The following GPC6 variants were observed in gnomAD, a reference collection of about 807,000 sequenced individuals.
GPC6 encodes the protein glypican-6.
Under a neutral mutation model 55.2 loss-of-function variants are expected in GPC6, and 14 were observed. The observed-to-expected ratio is 0.25, with a 90% confidence interval of 0.17 to 0.40. The LOEUF is 0.40. Among genes scored for constraint, GPC6 ranks in the 10% least tolerant of loss-of-function variants. The probability of loss-of-function intolerance (pLI) is 1.00; values close to 1 mark genes in which losing one functional copy is unlikely to be tolerated. For synonymous variants in GPC6, 278 were observed against 259.6 expected (o/e 1.07, Z -0.68); for missense variants, 641 against 708.5 (o/e 0.90, Z 1.08).
At chr13:93,984,252 G>A (rs534588862) in intron 3 of GPC6, among the ~76,000 whole-genome samples, 2 of 152,102 alleles carry the variant, frequency 1.3e-5, no homozygotes, top group South Asian at 4.2e-4. Flanking sequence ...ATGAGGAGGT[G>A]GGTGCTATTT....
intron 2 of GPC6, among the ~76,000 whole-genome samples, chr13:93,628,690 T>C (rs531935718): frequency 2.0e-5 from 3 of 152,302 alleles, no homozygotes; most frequent in African/African-American, 7.2e-5. Context: ...GAATTTTGTC[T>C]CCATGCCTTC....
intron 6 of GPC6, among the ~76,000 whole-genome samples, chr13:94,328,836 C>T (rs754887632): frequency 2.6e-5 from 4 of 152,162 alleles, no homozygotes; most frequent in Non-Finnish European, 5.9e-5. Context: ...ATGTGACCTT[C>T]GACAGGTCAC....
chr13:94,180,300 T>C (rs1483790806), intron 4 of GPC6, among the ~76,000 whole-genome samples: 4 of 152,184 alleles, frequency 2.6e-5, no homozygotes, highest in Non-Finnish European at 5.9e-5. Context: ...CCTTAAGACA[T>C]ACGTTCTTTG....
chr13:93,605,944 A>C (rs1878221755), intron 2 of GPC6, among the ~76,000 whole-genome samples: 2 of 150,546 alleles, frequency 1.3e-5, no homozygotes, highest in South Asian at 4.2e-4. Context: ...CAATTTTTTG[A>C]TCTGTAAAAT....
chr13:93,459,453 T>A (rs1022552869), intron 1 of GPC6, among the ~76,000 whole-genome samples: 5 of 152,236 alleles, frequency 3.3e-5, no homozygotes, highest in Non-Finnish European at 5.9e-5. Context: ...TATATTTTTT[T>A]AAAATCATCA....
intron 6 of GPC6, among the ~76,000 whole-genome samples, chr13:94,322,776 C>G (rs894147713): frequency 1.3e-5 from 2 of 152,076 alleles, no homozygotes. Context: ...ACAAAAGCAG[C>G]AGGGTTGGTC....
At chr13:94,310,858 C>T (rs1051690870) in intron 6 of GPC6, among the ~76,000 whole-genome samples, 4 of 152,198 alleles carry the variant, frequency 2.6e-5, no homozygotes, top group East Asian at 1.9e-4. Flanking sequence ...ATGCGTAGTC[C>T]GCCTGGAAAA....
chr13:93,948,038 C>G lies in GPC6; in HGVS notation c.712-79691C>G, dbSNP rs552216153. On this transcript the variant is annotated intron_variant, in intron 3 of 8. Transcript: ENST00000377047. ...CCTGTGTTGTAACTTGCAGGATACT[C>G]TTCCAATAATAAGAATATATTTCTC... Among the ~76,000 whole-genome samples, 5 of 152,090 alleles carry G rather than the reference C, an allele frequency of 3.3e-5. No individual in the cohort carries two copies. In the South Asian group the frequency reaches 8.3e-4, roughly 25 times the overall value.
intron 4 of GPC6, among the ~76,000 whole-genome samples, chr13:94,085,628 G>A (rs1006564145): frequency 5.3e-5 from 8 of 151,892 alleles, no homozygotes; most frequent in African/African-American, 1.5e-4. Context: ...TTACAAATAC[G>A]ATTATATTTA....
intron 1 of GPC6, among the ~76,000 whole-genome samples, chr13:93,544,070 C>A (rs984901409): frequency 6.6e-6 from 1 of 151,348 alleles, no homozygotes; most frequent in Non-Finnish European, 1.5e-5. Flanking sequence ...TCACGGTGAG[C>A]CTTTTTTTTT....
At chr13:93,902,426 A>G (rs57389235) in intron 3 of GPC6, among the ~76,000 whole-genome samples, 398 of 152,270 alleles carry the variant, frequency 2.6e-3, no homozygotes, top group African/African-American at 9.0e-3. Context: ...TTGTGTATAT[A>G]TACCATATCT....
chr13:94,210,718 A>G (rs1412623191), intron 4 of GPC6, among the ~76,000 whole-genome samples: 1 of 152,244 alleles, frequency 6.6e-6, no homozygotes, highest in Non-Finnish European at 1.5e-5. Context: ...GAAATCATGC[A>G]GAGAATTACT....
intron 2 of GPC6, among the ~76,000 whole-genome samples, chr13:93,565,960 C>T (rs1876088780): frequency 6.7e-6 from 1 of 149,982 alleles, no homozygotes; most frequent in Non-Finnish European, 1.5e-5. Flanking sequence ...AAAAAAAACA[C>T]ATCTGGTCAC....
intron 6 of GPC6, among the ~76,000 whole-genome samples, chr13:94,326,122 G>T (rs61962183): frequency 0.18 from 27,376 of 151,924 alleles, 2,536 homozygotes; most frequent in Middle Eastern, 0.29. Context: ...CTAGAATCCA[G>T]AAAGATGAAA....
chr13:93,410,779 G>A (rs774651939), intron 1 of GPC6, among the ~76,000 whole-genome samples: 7 of 152,152 alleles, frequency 4.6e-5, no homozygotes, highest in Non-Finnish European at 8.8e-5. Flanking sequence ...CTTCTGAAAA[G>A]CAATTATAAC....
chr13:93,999,428 A>G (rs1881702376), intron 3 of GPC6, among the ~76,000 whole-genome samples: 1 of 152,174 alleles, frequency 6.6e-6, no homozygotes, highest in Non-Finnish European at 1.5e-5. Flanking sequence ...CCAGTCTATC[A>G]TTGATGGGCA....
chr13:94,259,789 T>G lies in GPC6; in HGVS notation c.878-26560T>G, dbSNP rs1022737242. Among the ~76,000 whole-genome samples the G allele has an allele frequency of 5.3e-4, 80 of 152,204 alleles. 1 individual carries two copies. Among genetic ancestry groups the G allele is most frequent in the Non-Finnish European group, 7.3e-5 (5 of 68,038 alleles). On this transcript the variant is annotated intron_variant, in intron 4 of 8. Transcript: ENST00000377047. ...TCCTTTTGTGTCCTGCTTATTTCAC[T>G]TAGCAAAATGTTCTCAAGGTTCATT... is the stretch of plus-strand genomic sequence containing the variant.
chr13:93,316,473 A>G (rs1879253680), intron 1 of GPC6, among the ~76,000 whole-genome samples: 1 of 152,086 alleles, frequency 6.6e-6, no homozygotes, highest in Admixed American at 6.6e-5. Context: ...ACATGAACAA[A>G]TTATTGTGCA....
At chr13:94,106,662 C>T (rs920760935) in intron 4 of GPC6, among the ~76,000 whole-genome samples, 3 of 151,910 alleles carry the variant, frequency 2.0e-5, no homozygotes, top group East Asian at 1.9e-4. Context: ...TGGAGAAGAT[C>T]GTTTTGAGGA....
Sources: gnomAD v4.1 joint callset for allele counts (sites outside exome capture counted in the v4.1 genomes callset) on GRCh38, gnomAD v4.1.1 for gene constraint, MANE v1.5 for transcripts, NCBI Gene and HGNC (gene_info 2026-07-23, HGNC 2026-07-21) for gene names.